The following CDCA7L variants were observed in gnomAD, a reference collection of about 807,000 sequenced individuals.
The protein encoded by CDCA7L is cell division cycle-associated 7-like protein.
In CDCA7L, 44 loss-of-function variants were observed where a neutral mutation model predicts 57.4. That is an observed-to-expected ratio of 0.77 (90% confidence interval 0.60 to 0.98). The LOEUF (loss-of-function observed/expected upper bound fraction) is 0.98. Ranked by LOEUF, CDCA7L falls within the 50% of genes least tolerant of loss-of-function variation. CDCA7L has a pLI of 0.00. For missense variants in CDCA7L, 644 were observed against 580.6 expected (o/e 1.11, Z -1.12); for synonymous variants, 236 against 202.8 (o/e 1.16, Z -1.39).
At chr7:21,905,430 G>A in intron 7 of CDCA7L, 76 bp downstream of exon 7, 4 of 1,503,258 alleles carry the variant, frequency 2.7e-6, no homozygotes, top group Non-Finnish European at 3.7e-6. Flanking sequence ...AGCCCTGATA[G>A]AGTTTAAAAA....
At chr7:21,932,899 C>T (rs1786057901) in intron 1 of CDCA7L, among the ~76,000 whole-genome samples, 1 of 151,714 alleles carries the variant, frequency 6.6e-6, no homozygotes, top group Non-Finnish European at 1.5e-5. Context: ...TTGTAATCTA[C>T]CCATATGACA....
At chr7:21,904,023 G>A in intron 8 of CDCA7L, 87 bp downstream of exon 8, 1 of 1,325,346 alleles carries the variant, frequency 7.5e-7, no homozygotes, top group South Asian at 1.8e-5. Flanking sequence ...GAGCTCCCTA[G>A]TTCCCAGTGA....
intron 1 of CDCA7L, among the ~76,000 whole-genome samples, chr7:21,932,468 A>T (rs922828789): frequency 1.3e-5 from 2 of 152,206 alleles, no homozygotes; most frequent in African/African-American, 4.8e-5. Flanking sequence ...AGACCAATGG[A>T]ACAGAACAGA....
At chr7:21,918,827 A>C (rs1785569656) in intron 1 of CDCA7L, among the ~76,000 whole-genome samples, 1 of 152,172 alleles carries the variant, frequency 6.6e-6, no homozygotes, top group Non-Finnish European at 1.5e-5. Flanking sequence ...CTTCGCTTTT[A>C]AAACAAAACA....
intron 1 of CDCA7L, among the ~76,000 whole-genome samples, chr7:21,938,896 G>A (rs908980748): frequency 6.6e-6 from 1 of 152,018 alleles, no homozygotes; most frequent in Non-Finnish European, 1.5e-5. Flanking sequence ...TATAGTCCCA[G>A]CTACTCAAGA....
rs1404038797 is a variant in CDCA7L, at chr7:21,901,993, T to C, written c.*329A>G. On this transcript the variant is annotated 3_prime_UTR_variant, in exon 10 of 10. Coordinates refer to ENST00000406877, the MANE Select transcript of CDCA7L (RefSeq NM_018719.5). ...AGATAGATAGATCAAGTGCAGGAGC[T>C]GATCATACAATGTTTTCTCTCTAAC... 4.5e-5 allele frequency: 15 copies of C among 329,940 alleles called. No individual in the cohort carries two copies. Among genetic ancestry groups the C allele is most frequent in the Admixed American group, 8.3e-5 (2 of 24,156 alleles). The allele number at this position is 329,940 out of a possible 1,614,324, so 20.4% of individuals were successfully genotyped here. A position where few individuals can be genotyped will look rare whatever the true frequency, so the allele number is the denominator to read the frequency against.
At chr7:21,918,841 C>A (rs1316109668) in intron 1 of CDCA7L, among the ~76,000 whole-genome samples, 2 of 152,070 alleles carry the variant, frequency 1.3e-5, no homozygotes, top group African/African-American at 4.8e-5. Flanking sequence ...CAAAACAAAA[C>A]AAAAAACAAT....
At chr7:21,931,162 G>A (rs1785997010) in intron 1 of CDCA7L, among the ~76,000 whole-genome samples, 1 of 152,140 alleles carries the variant, frequency 6.6e-6, no homozygotes, top group South Asian at 2.1e-4. Context: ...AAGAGTCTAG[G>A]ACCAGACAGA....
At chr7:21,909,374 G>T (rs1785241776) in intron 3 of CDCA7L, among the ~76,000 whole-genome samples, 1 of 152,060 alleles carries the variant, frequency 6.6e-6, no homozygotes, top group African/African-American at 2.4e-5. Context: ...AAAACTTTGG[G>T]AACCATTATC....
chr7:21,906,798 G>C (rs1785156813), intron 4 of CDCA7L, among the ~76,000 whole-genome samples, 159 bp from the exon 5 acceptor site: 2 of 152,128 alleles, frequency 1.3e-5, no homozygotes, highest in African/African-American at 4.8e-5. Flanking sequence ...CACATGTAAA[G>C]ATTGTACCTC....
In CDCA7L at chr7:21,908,391, A is replaced by AAT; in HGVS notation, c.418_419dup (p.Gly141LeufsTer5). 1 of 1,609,126 alleles carries AAT rather than the reference A, an allele frequency of 6.2e-7. No individual in the cohort carries two copies. Among genetic ancestry groups the AAT allele is most frequent in the Non-Finnish European group, 8.5e-7 (1 of 1,178,762 alleles). On this transcript the variant is annotated frameshift_variant, in exon 4 of 10. Transcript: ENST00000406877. LOFTEE classifies it high-confidence loss of function. The stretch of plus-strand genomic sequence containing the variant: ...GGAACTGAAAGGCTACTCGAAGACC[A>AAT]ATACTACTTCTTCTAGACCTGCTTC...
intron 9 of CDCA7L, chr7:21,902,625 C>CTGAACTCTCT: frequency 1.9e-6 from 1 of 535,372 alleles, no homozygotes; most frequent in Non-Finnish European, 3.3e-6. Context: ...TCCTCTTGCC[C>CTGAACTCTCT]TGAACTCTCT....
At chr7:21,903,211 C>A in intron 8 of CDCA7L, 97 bp from the exon 9 acceptor site, 1 of 1,196,524 alleles carries the variant, frequency 8.4e-7, no homozygotes, top group Non-Finnish European at 1.2e-6. Context: ...GCCTCTCCTC[C>A]AACCTTTAAT....
chr7:21,938,137 G>A (rs1250192124), intron 1 of CDCA7L, among the ~76,000 whole-genome samples: 1 of 151,984 alleles, frequency 6.6e-6, no homozygotes, highest in East Asian at 1.9e-4. Context: ...TAGAATGAGA[G>A]AAAATATTTG....
intron 2 of CDCA7L, among the ~76,000 whole-genome samples, chr7:21,914,330 C>T (rs141290089): frequency 1.2e-3 from 182 of 152,300 alleles, no homozygotes; most frequent in African/African-American, 3.8e-3. Flanking sequence ...TAGAAAGCAC[C>T]ATTCAAGTAT....
At chr7:21,915,475 G>A (rs139488009) in intron 2 of CDCA7L, among the ~76,000 whole-genome samples, 17 of 152,104 alleles carry the variant, frequency 1.1e-4, no homozygotes, top group African/African-American at 4.1e-4. Flanking sequence ...TCTGCATTTA[G>A]GGACACGAAC....
At chr7:21,911,814 G>C in intron 2 of CDCA7L, 60 bp from the exon 3 acceptor site, 1 of 1,504,954 alleles carries the variant, frequency 6.6e-7, no homozygotes, top group Non-Finnish European at 9.0e-7. Context: ...ACCAGGGAAG[G>C]GTAGAATGAG....
intron 3 of CDCA7L, among the ~76,000 whole-genome samples, 168 bp from the exon 4 acceptor site, chr7:21,908,675 G>A (rs913599345): frequency 6.6e-6 from 1 of 152,176 alleles, no homozygotes; most frequent in African/African-American, 2.4e-5. Flanking sequence ...GCAAGAAATT[G>A]GTTGATGAAT....
chr7:21,920,847 A>G (rs780077853), intron 1 of CDCA7L, among the ~76,000 whole-genome samples: 4 of 152,234 alleles, frequency 2.6e-5, no homozygotes, highest in Non-Finnish European at 5.9e-5. Context: ...TTGTAGCTAC[A>G]TAATAGCCAC....
Sources: gnomAD v4.1 joint callset for allele counts (sites outside exome capture counted in the v4.1 genomes callset) on GRCh38, gnomAD v4.1.1 for gene constraint, MANE v1.5 for transcripts, NCBI Gene and HGNC (gene_info 2026-07-23, HGNC 2026-07-21) for gene names.